Variants in TFDP2 observed in about 807,000 individuals in gnomAD.
The protein encoded by TFDP2 is transcription factor Dp-2 (E2F dimerization partner 2).
A neutral mutation model predicts 59.3 loss-of-function variants in TFDP2; 17 were observed. The ratio of observed to expected loss-of-function variants is 0.29; its 90% CI spans 0.20 to 0.43. The LOEUF is 0.43. Ranked by LOEUF, TFDP2 falls within the 20% of genes least tolerant of loss-of-function variation. The pLI, the probability that TFDP2 is intolerant of heterozygous loss-of-function variation, is 1.00. For synonymous variants in TFDP2, 180 were observed against 194.7 expected (o/e 0.92, Z 0.63); for missense variants, 391 against 528.8 (o/e 0.74, Z 2.56).
intron 3 of TFDP2, among the ~76,000 whole-genome samples, chr3:142,045,775 G>A (rs1363063662): frequency 6.6e-6 from 1 of 151,362 alleles, no homozygotes; most frequent in African/African-American, 2.4e-5. Context: ...ACCATGCCTG[G>A]CTAATTTTTG....
At chr3:142,135,940 A>C (rs977142997) in intron 1 of TFDP2, among the ~76,000 whole-genome samples, 46 of 152,094 alleles carry the variant, frequency 3.0e-4, no homozygotes, top group African/African-American at 9.4e-4. Context: ...TTGCTGGGTC[A>C]AATGGTATTT....
chr3:142,109,566 G>A (rs893604604), intron 1 of TFDP2, among the ~76,000 whole-genome samples: 2 of 152,096 alleles, frequency 1.3e-5, no homozygotes, highest in Admixed American at 1.3e-4. Context: ...AAACTCAGGT[G>A]ATCCGCCCGC....
At chr3:142,051,660 G>C (rs1249512928) in intron 3 of TFDP2, among the ~76,000 whole-genome samples, 1 of 152,128 alleles carries the variant, frequency 6.6e-6, no homozygotes, top group African/African-American at 2.4e-5. Flanking sequence ...GAACAGAACA[G>C]AATCTAGAAA....
chr3:142,071,453 C>T (rs750849224), intron 3 of TFDP2, among the ~76,000 whole-genome samples: 4 of 152,058 alleles, frequency 2.6e-5, no homozygotes, highest in Non-Finnish European at 4.4e-5. Context: ...CCACCGCACC[C>T]GGCCATAAAG....
intron 11 of TFDP2, 63 bp downstream of exon 11, chr3:141,959,611 T>A: frequency 6.4e-7 from 1 of 1,562,328 alleles, no homozygotes; most frequent in East Asian, 2.3e-5. Flanking sequence ...ATAAGAAAGG[T>A]TTTAACAAGT....
At chr3:142,044,455 C>A (rs1007075856) in intron 3 of TFDP2, among the ~76,000 whole-genome samples, 2 of 151,986 alleles carry the variant, frequency 1.3e-5, no homozygotes, top group Non-Finnish European at 2.9e-5. Context: ...AGGATGGTCT[C>A]GATCTGTTGA....
intron 6 of TFDP2, among the ~76,000 whole-genome samples, chr3:141,987,943 A>AAAAAAAAAAAAG (rs1319205790): frequency 1.3e-5 from 2 of 151,400 alleles, no homozygotes; most frequent in Admixed American, 6.6e-5. Context: ...TGCCTCAAAA[A>AAAAAAAAAAAAG]AAAAAGAAAA....
chr3:142,045,756 G>C (rs1947313402), intron 3 of TFDP2, among the ~76,000 whole-genome samples: 1 of 151,590 alleles, frequency 6.6e-6, no homozygotes. Flanking sequence ...GGGACTACAG[G>C]CAAATGCCAC....
chr3:142,083,899 T>C (rs1176184063), intron 3 of TFDP2, among the ~76,000 whole-genome samples: 2 of 152,188 alleles, frequency 1.3e-5, no homozygotes, highest in South Asian at 4.1e-4. Context: ...TCTATGAAAC[T>C]ACTACAAGAA....
At chr3:141,965,559 G>GGGGGGA (rs1937870402) in intron 9 of TFDP2, among the ~76,000 whole-genome samples, 1 of 135,794 alleles carries the variant, frequency 7.4e-6, no homozygotes, top group African/African-American at 2.7e-5. Context: ...GGGGAAGGGG[G>GGGGGGA]AGGGGAAGGG....
intron 6 of TFDP2, among the ~76,000 whole-genome samples, chr3:141,988,659 C>A (rs955017373): frequency 8.0e-6 from 1 of 124,858 alleles, no homozygotes; most frequent in African/African-American, 2.7e-5. Flanking sequence ...TTTTAGCAAT[C>A]TTTTCTTTTC....
chr3:142,069,351 T>C (rs2060169062), intron 3 of TFDP2, among the ~76,000 whole-genome samples: 1 of 152,240 alleles, frequency 6.6e-6, no homozygotes, highest in Non-Finnish European at 1.5e-5. Flanking sequence ...GTGATGGATT[T>C]ACATTGTTTC....
chr3:141,980,934 T>A (rs1209954002), intron 6 of TFDP2, among the ~76,000 whole-genome samples: 1 of 152,204 alleles, frequency 6.6e-6, no homozygotes, highest in East Asian at 1.9e-4. Context: ...TAAGCTAAGG[T>A]TAACTTATTA....
rs531176246 is a variant in TFDP2 at position 141,963,075 on chromosome 3, G to A, written c.884+737C>T. 1.4e-3 allele frequency among the ~76,000 whole-genome samples: 207 copies of A among 152,186 alleles called. 1 individual carries two copies. Among genetic ancestry groups the A allele is most frequent in the African/African-American group, 4.9e-3 (202 of 41,530 alleles). Reference sequence around the variant, plus strand: ...TGAGAAAACAGAGCTTTGCAGCAGCGAAGTGGGGGAGCCATAAGCGGTACA... The same window carrying A: ...TGAGAAAACAGAGCTTTGCAGCAGCAAAGTGGGGGAGCCATAAGCGGTACA... On this transcript the variant is annotated intron_variant, in intron 10 of 12. Coordinates refer to ENST00000489671, the MANE Select transcript of TFDP2 (RefSeq NM_001178139.2).
chr3:142,093,462 A>C (rs2061063673), intron 2 of TFDP2, among the ~76,000 whole-genome samples: 1 of 151,946 alleles, frequency 6.6e-6, no homozygotes, highest in African/African-American at 2.4e-5. Flanking sequence ...AAAAAAAAAA[A>C]GGTGAGGGGA....
chr3:142,082,033 C>T (rs974509641), intron 3 of TFDP2, among the ~76,000 whole-genome samples: 3 of 152,130 alleles, frequency 2.0e-5, no homozygotes, highest in South Asian at 2.1e-4. Context: ...AGGTGAGTGG[C>T]GGGCGAGTGA....
At chr3:141,966,330 G>A (rs1576481976) in intron 9 of TFDP2, among the ~76,000 whole-genome samples, 1 of 151,672 alleles carries the variant, frequency 6.6e-6, no homozygotes, top group Non-Finnish European at 1.5e-5. Flanking sequence ...CCGCCACCAT[G>A]CCTGGCTAAT....
At chr3:141,989,800 A>G (rs1002181668) in intron 6 of TFDP2, among the ~76,000 whole-genome samples, 1 of 152,032 alleles carries the variant, frequency 6.6e-6, no homozygotes, top group African/African-American at 2.4e-5. Context: ...TTTTCATTAT[A>G]ATAACACTAG....
chr3:142,052,531 ACT>A (rs1947688893), intron 3 of TFDP2, among the ~76,000 whole-genome samples: 1 of 151,230 alleles, frequency 6.6e-6, no homozygotes. Context: ...ACTGAGCGAG[ACT>A]CTGTCTCAAA....
Sources: gnomAD v4.1 joint callset for allele counts (sites outside exome capture counted in the v4.1 genomes callset) on GRCh38, gnomAD v4.1.1 for gene constraint, MANE v1.5 for transcripts, NCBI Gene and HGNC (gene_info 2026-07-23, HGNC 2026-07-21) for gene names.